The following PRSS23 variants were observed in gnomAD, a reference collection of about 807,000 sequenced individuals.
PRSS23 encodes protease, serine 23.
PRSS23 carries 25 observed loss-of-function variants against 34.7 expected under a neutral mutation model. The ratio of observed to expected loss-of-function variants is 0.72; its 90% CI spans 0.53 to 1.01. The LOEUF is 1.01. Among genes scored for constraint, PRSS23 ranks in the 50% least tolerant of loss-of-function variants. PRSS23 has a pLI of 0.00. For synonymous variants in PRSS23, 176 were observed against 186.6 expected, an observed-to-expected ratio of 0.94 and a Z score of 0.46; for missense variants, 445 against 475.6, an observed-to-expected ratio of 0.94 and a Z score of 0.60.
chr11:86,890,343 C>A (rs1000240633), intron 2 of PRSS23, among the ~76,000 whole-genome samples: 3 of 152,138 alleles, frequency 2.0e-5, no homozygotes, highest in Non-Finnish European at 4.4e-5. Context: ...GAATCTCATA[C>A]CTCAGCATAA....
chr11:86,930,577 G>T (rs1949117351), intron 2 of PRSS23, among the ~76,000 whole-genome samples: 1 of 152,176 alleles, frequency 6.6e-6, no homozygotes, highest in Non-Finnish European at 1.5e-5. Context: ...GGATCACAAG[G>T]TCAGGAGATC....
intron 2 of PRSS23, among the ~76,000 whole-genome samples, chr11:86,859,884 G>T (rs570391776): frequency 6.6e-6 from 1 of 152,060 alleles, no homozygotes; most frequent in East Asian, 1.9e-4. Flanking sequence ...TGGGGGAGAG[G>T]ATGATATTAC....
At chr11:86,827,334 G>A (rs1948310415) in intron 2 of PRSS23, among the ~76,000 whole-genome samples, 1 of 152,258 alleles carries the variant, frequency 6.6e-6, no homozygotes, top group South Asian at 2.1e-4. Flanking sequence ...GGGATCTGTG[G>A]TGATATCTCC....
intron 2 of PRSS23, among the ~76,000 whole-genome samples, chr11:86,923,679 T>A (rs1949061408): frequency 6.6e-6 from 1 of 152,232 alleles, no homozygotes; most frequent in Non-Finnish European, 1.5e-5. Flanking sequence ...GTTGCTAGTC[T>A]GGGCCAAACA....
At chr11:86,807,546 AC>A in intron 1 of PRSS23, 84 bp from the exon 2 acceptor site, 1 of 1,249,644 alleles carries the variant, frequency 8.0e-7, no homozygotes, top group East Asian at 2.3e-5. Flanking sequence ...AGAAACAATG[AC>A]AGGCCTGCTG....
intron 2 of PRSS23, among the ~76,000 whole-genome samples, chr11:86,843,657 A>G (rs141234362): frequency 0.017 from 2,545 of 152,358 alleles, 71 homozygotes; most frequent in African/African-American, 0.058. Flanking sequence ...CAACAGACAT[A>G]TGAAAAAAAG....
At chr11:86,849,423 T>G (rs1303201914) in intron 2 of PRSS23, among the ~76,000 whole-genome samples, 1 of 152,170 alleles carries the variant, frequency 6.6e-6, no homozygotes, top group Non-Finnish European at 1.5e-5. Context: ...TGTTGTCCCC[T>G]ACTTGAAGAA....
chr11:86,887,998 A>G (rs10160361), intron 2 of PRSS23, among the ~76,000 whole-genome samples: 92,903 of 151,302 alleles, frequency 0.61, 28,755 homozygotes, highest in African/African-American at 0.64. Flanking sequence ...GTTACAGTGC[A>G]CCAAGATTGC....
At chr11:86,887,141 C>A (rs1948807758) in intron 2 of PRSS23, among the ~76,000 whole-genome samples, 1 of 152,104 alleles carries the variant, frequency 6.6e-6, no homozygotes, top group South Asian at 2.1e-4. Context: ...AGGTAGATAT[C>A]AAATACAGAT....
intron 2 of PRSS23, among the ~76,000 whole-genome samples, chr11:86,875,977 G>A (rs1230986462): frequency 1.3e-5 from 2 of 152,040 alleles, no homozygotes; most frequent in African/African-American, 2.4e-5. Flanking sequence ...AAACACTGTG[G>A]GCTCCTTTAT....
chr11:86,873,363 G>A (rs1948700158), intron 2 of PRSS23, among the ~76,000 whole-genome samples: 1 of 151,226 alleles, frequency 6.6e-6, no homozygotes, highest in Non-Finnish European at 1.5e-5. Flanking sequence ...TGCAATCTCA[G>A]CTCAATACAA....
chr11:86,906,846 A>C (rs1163878534), intron 2 of PRSS23, among the ~76,000 whole-genome samples: 3 of 152,122 alleles, frequency 2.0e-5, no homozygotes, highest in African/African-American at 4.8e-5. Flanking sequence ...TGGCATTTGT[A>C]TCTCTGTACA....
chr11:86,843,266 TAACTC>T (rs1948461801), intron 2 of PRSS23, among the ~76,000 whole-genome samples: 1 of 152,058 alleles, frequency 6.6e-6, no homozygotes, highest in Non-Finnish European at 1.5e-5. Context: ...ATACAAAAAT[TAACTC>T]AAGATGGATT....
chr11:86,871,682 C>T (rs184568917), intron 2 of PRSS23, among the ~76,000 whole-genome samples: 1 of 152,280 alleles, frequency 6.6e-6, no homozygotes, highest in East Asian at 1.9e-4. Context: ...CAACAATTGC[C>T]TCATATATTT....
intron 1 of PRSS23, among the ~76,000 whole-genome samples, chr11:86,795,222 T>C (rs1254417473): frequency 6.6e-6 from 1 of 152,110 alleles, no homozygotes; most frequent in African/African-American, 2.4e-5. Context: ...GCAGCAGTGA[T>C]AGTAATGATA....
intron 2 of PRSS23, among the ~76,000 whole-genome samples, chr11:86,944,190 T>C (rs898663981): frequency 2.6e-5 from 4 of 151,988 alleles, no homozygotes; most frequent in African/African-American, 9.7e-5. Flanking sequence ...GGCCTGTAGC[T>C]GCATAACTCC....
At chr11:86,825,841 T>A (rs562908644) in intron 2 of PRSS23, among the ~76,000 whole-genome samples, 10,781 of 150,388 alleles carry the variant, frequency 0.072, 540 homozygotes, top group Non-Finnish European at 0.1. Flanking sequence ...TTGATCTATA[T>A]CTCTGTTTTG....
intron 2 of PRSS23, among the ~76,000 whole-genome samples, chr11:86,891,557 G>C (rs1317652571): frequency 6.6e-6 from 1 of 152,176 alleles, no homozygotes. Flanking sequence ...AGGTGACAAA[G>C]AGGAAATCTT....
chr11:86,843,199 G>T (rs570784681), intron 2 of PRSS23, among the ~76,000 whole-genome samples: 1 of 152,142 alleles, frequency 6.6e-6, no homozygotes, highest in Admixed American at 6.6e-5. Flanking sequence ...AAATGGTGCT[G>T]GGAAAACTGG....
Sources: allele counts gnomAD v4.1 joint callset (sites outside exome capture counted in the v4.1 genomes callset), GRCh38; gene constraint gnomAD v4.1.1; transcripts MANE v1.5; gene names NCBI Gene and HGNC (gene_info 2026-07-23, HGNC 2026-07-21).